Variants in HHAT observed in about 807,000 individuals in gnomAD.
HHAT encodes protein-cysteine N-palmitoyltransferase HHAT.
In HHAT, 47 loss-of-function variants were observed where a neutral mutation model predicts 70.8. The observed-to-expected ratio is 0.66, with a 90% CI of 0.53 to 0.85. HHAT has a LOEUF of 0.85. HHAT is among the 40% of genes least tolerant of loss of function. The probability of loss-of-function intolerance (pLI) is 0.00; values close to 1 mark genes in which losing one functional copy is unlikely to be tolerated. For missense variants in HHAT, 609 were observed against 604.8 expected (o/e 1.01, Z -0.07); for synonymous variants, 228 against 247.6 (o/e 0.92, Z 0.74).
intron 9 of HHAT, among the ~76,000 whole-genome samples, chr1:210,560,636 A>AC (rs766138601): frequency 5.6e-5 from 8 of 142,808 alleles, no homozygotes; most frequent in Non-Finnish European, 1.1e-4. Flanking sequence ...GGCAACATAG[A>AC]CCCCATCTCT....
intron 5 of HHAT, among the ~76,000 whole-genome samples, chr1:210,404,061 C>T (rs1397805609): frequency 6.6e-6 from 1 of 151,898 alleles, no homozygotes; most frequent in East Asian, 1.9e-4. Context: ...TCCCATGGGA[C>T]ATTTTAAGCC....
At chr1:210,427,936 G>C (rs2093116948) in intron 7 of HHAT, among the ~76,000 whole-genome samples, 1 of 152,016 alleles carries the variant, frequency 6.6e-6, no homozygotes, top group Non-Finnish European at 1.5e-5. Flanking sequence ...AAGTCTCTCT[G>C]AAAGTCTCTA....
chr1:210,578,893 A>G (rs779290558), intron 9 of HHAT, among the ~76,000 whole-genome samples: 6 of 152,226 alleles, frequency 3.9e-5, no homozygotes, highest in Non-Finnish European at 8.8e-5. Flanking sequence ...AATAGCAAAG[A>G]CATGGAATCA....
At chr1:210,655,163 T>C (rs578150183) in intron 11 of HHAT, among the ~76,000 whole-genome samples, 1 of 152,146 alleles carries the variant, frequency 6.6e-6, no homozygotes, top group Non-Finnish European at 1.5e-5. Flanking sequence ...ATTAACCCCA[T>C]GTAAAGATTA....
intron 8 of HHAT, among the ~76,000 whole-genome samples, chr1:210,498,752 CT>C (rs1429483282): frequency 6.6e-6 from 1 of 150,744 alleles, no homozygotes; most frequent in Non-Finnish European, 1.5e-5. Flanking sequence ...GCTTCCTTGC[CT>C]TGCAGTCTGT....
intron 3 of HHAT, among the ~76,000 whole-genome samples, chr1:210,377,234 C>T (rs755412033): frequency 2.0e-4 from 31 of 152,288 alleles, no homozygotes; most frequent in Non-Finnish European, 3.8e-4. Flanking sequence ...AATCATGATT[C>T]TGTGTAATTT....
chr1:210,570,162 A>G (rs1396218043), intron 9 of HHAT, among the ~76,000 whole-genome samples: 1 of 152,148 alleles, frequency 6.6e-6, no homozygotes, highest in Admixed American at 6.5e-5. Flanking sequence ...AAAGGGAGAC[A>G]TTTTACCTTA....
At chr1:210,456,511 G>GT (rs2093872114) in intron 7 of HHAT, among the ~76,000 whole-genome samples, 3 of 152,228 alleles carry the variant, frequency 2.0e-5, no homozygotes, top group Admixed American at 6.5e-5. Context: ...ACAACCAATT[G>GT]TTTAGAGCAT....
At chr1:210,433,167 C>T (rs1462835842) in intron 7 of HHAT, among the ~76,000 whole-genome samples, 6 of 151,670 alleles carry the variant, frequency 4.0e-5, no homozygotes, top group Non-Finnish European at 8.8e-5. Flanking sequence ...CTCTGAACAC[C>T]CCAAGCTGAG....
intron 3 of HHAT, among the ~76,000 whole-genome samples, chr1:210,382,098 G>A (rs780950436): frequency 2.0e-5 from 3 of 152,188 alleles, no homozygotes; most frequent in Non-Finnish European, 4.4e-5. Flanking sequence ...ATCTGGCAAG[G>A]TTTAAGGGCG....
At chr1:210,374,287 A>C (rs1455190566) in intron 3 of HHAT, 1 of 152,196 alleles carries the variant, frequency 6.6e-6, no homozygotes, top group Non-Finnish European at 1.5e-5. Context: ...AATTAGTTCA[A>C]CTCATTGTTG....
intron 7 of HHAT, among the ~76,000 whole-genome samples, chr1:210,460,931 T>G (rs2093966905): frequency 6.6e-6 from 1 of 152,192 alleles, no homozygotes; most frequent in South Asian, 2.1e-4. Flanking sequence ...AATGAATGAA[T>G]GTCAAAAGAG....
At position 210,418,309 on chromosome 1, in the gene HHAT, C is replaced by G. The variant is rs1364436954; in HGVS notation, c.840C>G (p.Val280=). 6.3e-7 allele frequency: 1 copy of G among 1,596,702 alleles called. No individual in the cohort carries two copies. The highest frequency in any genetic ancestry group is 8.5e-7 in the Non-Finnish European group (1 of 1,170,886). ...GCAGCATCCCCCTCCTGGAGACTGT[C>G]TCTTGTTGGACCTTAGGTAATTGTG... ...IYSSIPLLET[V]SCWTLGGLAL... The change falls in exon 7 of 12, where the codon GTC becomes GTG. Residue 280 remains valine, a synonymous_variant. Coordinates refer to ENST00000261458, the MANE Select transcript of HHAT (RefSeq NM_018194.6).
At chr1:210,536,667 G>A (rs1282832479) in intron 9 of HHAT, among the ~76,000 whole-genome samples, 4 of 152,238 alleles carry the variant, frequency 2.6e-5, no homozygotes, top group Non-Finnish European at 5.9e-5. Context: ...AATGAATAGG[G>A]TGCTAATACA....
chr1:210,430,898 G>A (rs1364004603), intron 7 of HHAT, among the ~76,000 whole-genome samples: 1 of 151,488 alleles, frequency 6.6e-6, no homozygotes, highest in East Asian at 1.9e-4. Context: ...TCTTTTCCTT[G>A]CATATTCTTT....
chr1:210,658,427 A>T (rs1676927951), intron 11 of HHAT, among the ~76,000 whole-genome samples: 1 of 152,180 alleles, frequency 6.6e-6, no homozygotes, highest in South Asian at 2.1e-4. Context: ...TCATCCATCA[A>T]CTGCTACTTC....
At chr1:210,436,125 T>TTAA (rs1172790732) in intron 7 of HHAT, among the ~76,000 whole-genome samples, 1 of 151,864 alleles carries the variant, frequency 6.6e-6, no homozygotes, top group African/African-American at 2.4e-5. Context: ...GTGGTTTGAA[T>TTAA]TAATTTTTGT....
At chr1:210,647,874 G>A (rs191172773) in intron 11 of HHAT, among the ~76,000 whole-genome samples, 423 of 152,258 alleles carry the variant, frequency 2.8e-3, no homozygotes, top group African/African-American at 9.6e-3. Context: ...TTTTAGCTAG[G>A]TCAAGTCACA....
intron 7 of HHAT, among the ~76,000 whole-genome samples, chr1:210,463,568 C>G (rs1047464494): frequency 6.6e-6 from 1 of 152,142 alleles, no homozygotes; most frequent in Non-Finnish European, 1.5e-5. Flanking sequence ...TAGGTGGTCT[C>G]CTCTTTTGGC....
Sources: gnomAD v4.1 joint callset for allele counts (sites outside exome capture counted in the v4.1 genomes callset) on GRCh38, gnomAD v4.1.1 for gene constraint, MANE v1.5 for transcripts, NCBI Gene and HGNC (gene_info 2026-07-23, HGNC 2026-07-21) for gene names.